The following MND1 variants were observed in gnomAD, a reference collection of about 807,000 sequenced individuals.
MND1 encodes the protein meiotic nuclear division protein 1 homolog.
Under a neutral mutation model 35.1 loss-of-function variants are expected in MND1, and 28 were observed. That is an observed-to-expected ratio of 0.80 (90% confidence interval 0.59 to 1.09). MND1 has a LOEUF of 1.09. MND1 is among the 50% of genes least tolerant of loss of function. The probability of loss-of-function intolerance (pLI) is 0.00; values close to 1 mark genes in which losing one functional copy is unlikely to be tolerated. For missense variants in MND1, 213 were observed against 239.6 expected (o/e 0.89, Z 0.73); for synonymous variants, 69 against 70.5 (o/e 0.98, Z 0.11).
intron 7 of MND1, among the ~76,000 whole-genome samples, chr4:153,413,710 A>G (rs1729754610): frequency 6.6e-6 from 1 of 151,608 alleles, no homozygotes; most frequent in African/African-American, 2.4e-5. Flanking sequence ...AGGAAAAAAA[A>G]TCCACTGTTC....
chr4:153,379,881 G>C (rs950112812), intron 4 of MND1, among the ~76,000 whole-genome samples: 2 of 149,158 alleles, frequency 1.3e-5, no homozygotes, highest in African/African-American at 5.0e-5. Context: ...AAAAAATCAG[G>C]TGTTGTGGCG....
chr4:153,372,857 A>G (rs1365241000), intron 4 of MND1, among the ~76,000 whole-genome samples: 1 of 152,198 alleles, frequency 6.6e-6, no homozygotes, highest in African/African-American at 2.4e-5. Flanking sequence ...ATTGATGAAC[A>G]TATAGGTATT....
At chr4:153,404,227 G>A (rs1269577154) in intron 6 of MND1, among the ~76,000 whole-genome samples, 3 of 137,852 alleles carry the variant, frequency 2.2e-5, no homozygotes, top group Non-Finnish European at 3.0e-5. Flanking sequence ...CTGTCACCAG[G>A]CTGGAGTGCA....
intron 1 of MND1, chr4:153,345,557 C>A: frequency 1.0e-6 from 1 of 984,594 alleles, no homozygotes; most frequent in Non-Finnish European, 1.2e-6. Context: ...AAATCATTTT[C>A]ATAAACCTTC....
At chr4:153,357,412 C>A (rs1242752341) in intron 3 of MND1, among the ~76,000 whole-genome samples, 1 of 152,196 alleles carries the variant, frequency 6.6e-6, no homozygotes, top group Non-Finnish European at 1.5e-5. Context: ...AATTGGAAAT[C>A]TGCATGTAAT....
chr4:153,375,527 G>A (rs1318861205), intron 4 of MND1, among the ~76,000 whole-genome samples: 1 of 152,134 alleles, frequency 6.6e-6, no homozygotes, highest in Non-Finnish European at 1.5e-5. Context: ...TTGGTGACCA[G>A]CTTGGAAAAG....
intron 6 of MND1, among the ~76,000 whole-genome samples, chr4:153,397,845 A>G (rs1649569775): frequency 6.6e-6 from 1 of 152,214 alleles, no homozygotes; most frequent in Non-Finnish European, 1.5e-5. Context: ...TCTTAATGTT[A>G]GAGCATTGAA....
At chr4:153,345,164 C>T (rs1773043377) in intron 1 of MND1, among the ~76,000 whole-genome samples, 1 of 152,062 alleles carries the variant, frequency 6.6e-6, no homozygotes, top group Non-Finnish European at 1.5e-5. Context: ...GTGGTGTAGC[C>T]CCCCCCATTA....
chr4:153,389,929 G>A (rs1278619078), intron 4 of MND1, among the ~76,000 whole-genome samples: 2 of 152,044 alleles, frequency 1.3e-5, no homozygotes, highest in Admixed American at 6.6e-5. Context: ...CATCACCTGG[G>A]AACATACTAG....
intron 5 of MND1, 96 bp from the exon 6 acceptor site, chr4:153,397,123 T>G: frequency 2.6e-6 from 2 of 780,806 alleles, no homozygotes; most frequent in Non-Finnish European, 4.0e-6. Flanking sequence ...GCACATCATT[T>G]ATAAGAAATA....
In MND1 at chr4:153,362,954, A is replaced by G. The variant is rs528011932; in HGVS notation, c.276+4332A>G. 11 of 967,840 alleles carry G rather than the reference A, an allele frequency of 1.1e-5. No individual in the cohort carries two copies. The Admixed American group carries it at 3.7e-4, about 32-fold the overall frequency. 60.0% of individuals were successfully genotyped at this position (967,840 alleles called of 1,614,324 possible). On this transcript the variant is annotated intron_variant, in intron 4 of 7. Coordinates refer to ENST00000240488, the MANE Select transcript of MND1 (RefSeq NM_032117.4). ...TAAAATTTAGTATGCATGTCTATAC[A>G]TGGCATGGATTGAGAGATTTGTTTT... is the stretch of plus-strand genomic sequence containing the variant.
intron 4 of MND1, among the ~76,000 whole-genome samples, chr4:153,360,804 C>CACATATAT (rs1173937431): frequency 6.6e-6 from 1 of 150,820 alleles, no homozygotes; most frequent in East Asian, 1.9e-4. Context: ...TTCATATATA[C>CACATATAT]ACATATATAC....
At chr4:153,390,704 C>T (rs1728995659) in intron 4 of MND1, among the ~76,000 whole-genome samples, 1 of 151,816 alleles carries the variant, frequency 6.6e-6, no homozygotes, top group African/African-American at 2.4e-5. Flanking sequence ...AAAAATTAGC[C>T]GGGCGTGGTA....
At chr4:153,382,666 C>A (rs939494636) in intron 4 of MND1, among the ~76,000 whole-genome samples, 1 of 152,128 alleles carries the variant, frequency 6.6e-6, no homozygotes, top group South Asian at 2.1e-4. Flanking sequence ...TAAGTTAATT[C>A]TATTTAAGTA....
chr4:153,359,397 G>C (rs564116681), intron 4 of MND1, among the ~76,000 whole-genome samples: 1 of 151,964 alleles, frequency 6.6e-6, no homozygotes, highest in East Asian at 1.9e-4. Flanking sequence ...ATAATATTTC[G>C]TTATATGAAT....
chr4:153,397,114 C>A, intron 5 of MND1, 105 bp from the exon 6 acceptor site: 1 of 696,772 alleles, frequency 1.4e-6, no homozygotes, highest in Non-Finnish European at 2.4e-6. Context: ...AAGTCTAATG[C>A]ACATCATTTA....
intron 4 of MND1, among the ~76,000 whole-genome samples, chr4:153,390,923 G>GTATA (rs1729011753): frequency 1.5e-5 from 2 of 130,898 alleles, no homozygotes; most frequent in African/African-American, 6.8e-5. Context: ...GTGTATATGT[G>GTATA]TGTGTGTGTG....
chr4:153,405,749 G>T (rs1362528308), intron 6 of MND1, among the ~76,000 whole-genome samples: 2 of 152,106 alleles, frequency 1.3e-5, no homozygotes, highest in Non-Finnish European at 2.9e-5. Context: ...TAACTCAAAT[G>T]GATCAAAGAC....
At chr4:153,347,100 G>A (rs1210409196) in intron 1 of MND1, among the ~76,000 whole-genome samples, 2 of 152,086 alleles carry the variant, frequency 1.3e-5, no homozygotes, top group African/African-American at 4.8e-5. Context: ...CCTGGGCATC[G>A]GTATTTTTTA....
Sources: gnomAD v4.1 joint callset for allele counts (sites outside exome capture counted in the v4.1 genomes callset) on GRCh38, gnomAD v4.1.1 for gene constraint, MANE v1.5 for transcripts, NCBI Gene and HGNC (gene_info 2026-07-23, HGNC 2026-07-21) for gene names.